LRPPRC: variants seen among roughly 807,000 people sequenced by gnomAD.
The protein encoded by LRPPRC is leucine-rich PPR motif-containing protein, mitochondrial.
LRPPRC carries 120 observed loss-of-function variants against 180.3 expected under a neutral mutation model. The observed-to-expected ratio is 0.67, with a 90% CI of 0.57 to 0.77. LRPPRC has a LOEUF of 0.77. Ranked by LOEUF, LRPPRC falls within the 30% of genes least tolerant of loss-of-function variation. The probability of loss-of-function intolerance (pLI) is 0.00; values close to 1 mark genes in which losing one functional copy is unlikely to be tolerated. For synonymous variants in LRPPRC, 723 were observed against 600.0 expected (o/e 1.21, Z -3.00); for missense variants, 2,012 against 1,657.2 (o/e 1.21, Z -3.72).
intron 11 of LRPPRC, among the ~76,000 whole-genome samples, chr2:43,966,559 C>T (rs1338305770): frequency 3.3e-5 from 5 of 151,578 alleles, no homozygotes; most frequent in African/African-American, 7.3e-5. Context: ...TACAGGCGCA[C>T]GCCACCACGC....
Position 43,971,485 on chromosome 2 carries a change from T to TAAAAAAA in LRPPRC, c.1369+2115_1369+2121dup, listed in dbSNP as rs528659622. Among the ~76,000 whole-genome samples, 62 of 62,374 alleles carry TAAAAAAA rather than the reference T, an allele frequency of 9.9e-4. 7 individuals carry two copies. The highest frequency in any genetic ancestry group is 3.7e-3 in the African/African-American group (47 of 12,612). The allele number at this position is 62,374 out of a possible 152,430, so 40.9% of individuals were successfully genotyped here. On this transcript the variant is annotated intron_variant, in intron 11 of 37. Transcript: ENST00000260665. ...AGGACCTCCTGAGGCTGTGTCACAG[T>TAAAAAAA]AAAAAAAAAAAAAAAAAAAGAAAAA... is the stretch of plus-strand genomic sequence containing the variant.
At chr2:43,927,816 A>C (rs992548509) in intron 25 of LRPPRC, among the ~76,000 whole-genome samples, 1 of 152,208 alleles carries the variant, frequency 6.6e-6, no homozygotes, top group African/African-American at 2.4e-5. Context: ...TGAAATTGAG[A>C]ACTGTTTTCA....
rs577157415 is a variant in LRPPRC at position 43,995,020 on chromosome 2, C to G, written c.149+779G>C. Reference sequence around the variant, plus strand: ...CTTTGGGAGGCCGAGGCAGGAGGATCGCTTGAAGTCAGGAGTTCGAGACTA... The same window carrying G: ...CTTTGGGAGGCCGAGGCAGGAGGATGGCTTGAAGTCAGGAGTTCGAGACTA... On this transcript the variant is annotated intron_variant, in intron 1 of 37. Coordinates refer to ENST00000260665, the MANE Select transcript of LRPPRC (RefSeq NM_133259.4). Among the ~76,000 whole-genome samples the G allele has an allele frequency of 3.9e-5, 6 of 152,294 alleles. No individual in the cohort carries two copies. The East Asian group carries it at 9.7e-4, about 25-fold the overall frequency.
Position 43,945,316 on chromosome 2 carries a change from A to C in LRPPRC, c.2296+16T>G, listed in dbSNP as rs188335467. The C allele has an allele frequency of 2.1e-5, 33 of 1,562,976 alleles. No homozygotes were observed. In the East Asian group the frequency reaches 7.2e-4, roughly 34 times the overall value. On this transcript the variant is annotated intron_variant, in intron 22 of 37. Coordinates refer to ENST00000260665, the MANE Select transcript of LRPPRC (RefSeq NM_133259.4). The stretch of plus-strand genomic sequence containing the variant: ...GATACTTGCATCACATATTTCCTTT[A>C]TGTGCTGAGGCTTACCTTGGAGCTT...
chr2:43,980,553 C>CCA (rs1674256957), intron 2 of LRPPRC, among the ~76,000 whole-genome samples: 1 of 85,080 alleles, frequency 1.2e-5, no homozygotes, highest in African/African-American at 4.4e-5. Context: ...GACTCTGTTT[C>CCA]AAAAAAAAAA....
Position 43,943,842 on chromosome 2 carries a change from A to T in LRPPRC, c.2349T>A (p.Asp783Glu). Reference protein sequence around the residue: ...EMKEKDVLIKDTTALSFFHML... With the variant: ...EMKEKDVLIKETTALSFFHML... ...TGTGGAAAAAGGACAAGGCTGTTGTATCTTTGATAAGAACATCCTTCTCTT... is the reference window on the plus strand; with the variant it reads ...TGTGGAAAAAGGACAAGGCTGTTGTTTCTTTGATAAGAACATCCTTCTCTT... The change falls in exon 23 of 38, where the codon GAT (aspartate) becomes GAA (glutamate). Residue 783 changes from aspartate to glutamate, a missense_variant. Asp to Glu is a conservative substitution (Grantham distance 45). Coordinates refer to ENST00000260665, the MANE Select transcript of LRPPRC (RefSeq NM_133259.4). The T allele has an allele frequency of 1.2e-6, 2 of 1,613,360 alleles. No individual in the cohort carries two copies. The highest frequency in any genetic ancestry group is 1.7e-6 in the Non-Finnish European group (2 of 1,179,380).
At chr2:43,903,245 C>T (rs985095965) in intron 31 of LRPPRC, 6 of 152,334 alleles carry the variant, frequency 3.9e-5, no homozygotes, top group African/African-American at 1.4e-4. Context: ...TCCCTCCCCC[C>T]AGGTCCTTTC....
intron 2 of LRPPRC, among the ~76,000 whole-genome samples, chr2:43,982,010 C>T (rs574999458): frequency 9.5e-4 from 145 of 152,186 alleles, no homozygotes; most frequent in African/African-American, 1.7e-3. Flanking sequence ...TGGGTTCAAG[C>T]GATTCTCATG....
intron 11 of LRPPRC, among the ~76,000 whole-genome samples, chr2:43,967,901 T>C (rs1673632724): frequency 6.6e-6 from 1 of 152,202 alleles, no homozygotes; most frequent in South Asian, 2.1e-4. Context: ...AATCCCACTG[T>C]GCTCTTCTTT....
At chr2:43,941,905 T>C (rs546886641) in intron 23 of LRPPRC, among the ~76,000 whole-genome samples, 10 of 145,744 alleles carry the variant, frequency 6.9e-5, no homozygotes, top group African/African-American at 1.8e-4. Context: ...ATAGAAGATA[T>C]ACATATCTGA....
chr2:43,974,311 A>C lies in LRPPRC; in HGVS notation c.1010-16T>G. ...TTCATTGCATCTGGGAAGAAAACAA[A>C]GACATCTTTTGTTAATAAACTGAAC... On this transcript the variant is annotated splice_polypyrimidine_tract_variant and intron_variant, in intron 8 of 37. Transcript: ENST00000260665. 6.3e-7 allele frequency: 1 copy of C among 1,593,790 alleles called. No homozygotes were observed. Among genetic ancestry groups the C allele is most frequent in the Non-Finnish European group, 8.6e-7 (1 of 1,161,536 alleles).
At chr2:43,898,404 G>A (rs536991589) in intron 34 of LRPPRC, among the ~76,000 whole-genome samples, 2 of 152,128 alleles carry the variant, frequency 1.3e-5, no homozygotes, top group Admixed American at 1.3e-4. Flanking sequence ...ATCAGAAATT[G>A]GTCCCACGCC....
At chr2:43,959,873 G>C (rs2103658767) in intron 13 of LRPPRC, among the ~76,000 whole-genome samples, 1 of 152,296 alleles carries the variant, frequency 6.6e-6, no homozygotes, top group African/African-American at 2.4e-5. Flanking sequence ...GACAGAGTGA[G>C]ACTGTGTCTC....
chr2:43,976,810 T>C (rs1300724025), intron 5 of LRPPRC, among the ~76,000 whole-genome samples, 184 bp downstream of exon 5: 1 of 152,118 alleles, frequency 6.6e-6, no homozygotes, highest in Non-Finnish European at 1.5e-5. Flanking sequence ...CTTTTACTTA[T>C]CTTTTCTCTC....
In LRPPRC at chr2:43,896,648, T is replaced by C. The variant is rs550105128; in HGVS notation, c.3886A>G (p.Arg1296Gly). The C allele has an allele frequency of 6.2e-7, 1 of 1,609,732 alleles. No homozygotes were observed. The highest frequency in any genetic ancestry group is 1.7e-5 in the Admixed American group (1 of 60,016). The change falls in exon 35 of 38, where the codon AGG (arginine) becomes GGG (glycine). Residue 1296 changes from arginine (R) to glycine (G), a missense_variant. Physicochemically the swap from Arg to Gly is moderately radical, Grantham distance 125. Coordinates refer to ENST00000260665, the MANE Select transcript of LRPPRC (RefSeq NM_133259.4). ...ILLLFLLRNSRKQGKASTVKS... is the reference protein window; with the variant it reads ...ILLLFLLRNSGKQGKASTVKS... Reference sequence around the variant, plus strand: ...AAGCACAGTACCTTTCCTTGTTTCCTAGAATTCCTAAGGAGGAACAACAAC... The same window carrying C: ...AAGCACAGTACCTTTCCTTGTTTCCCAGAATTCCTAAGGAGGAACAACAAC...
chr2:43,995,408 T>G (rs536605860), intron 1 of LRPPRC, among the ~76,000 whole-genome samples: 1 of 152,222 alleles, frequency 6.6e-6, no homozygotes, highest in Non-Finnish European at 1.5e-5. Context: ...AGGTGGTTAC[T>G]GATCACCAAC....
chr2:43,964,608 T>C (rs966925832), intron 11 of LRPPRC, among the ~76,000 whole-genome samples: 2 of 152,168 alleles, frequency 1.3e-5, no homozygotes, highest in African/African-American at 2.4e-5. Flanking sequence ...TAATTGACAG[T>C]AAATTCCTAC....
At chr2:43,900,303 T>G (rs1336700249) in intron 32 of LRPPRC, among the ~76,000 whole-genome samples, 1 of 152,154 alleles carries the variant, frequency 6.6e-6, no homozygotes, top group East Asian at 1.9e-4. Flanking sequence ...TAATCTATAA[T>G]GGATACTTTA....
chr2:43,974,819 C>T, intron 7 of LRPPRC, 61 bp from the exon 8 acceptor site: 2 of 1,508,088 alleles, frequency 1.3e-6, no homozygotes, highest in South Asian at 1.1e-5. Flanking sequence ...AGTATTAAAG[C>T]TAAATAAAAT....
Sources: gnomAD v4.1 joint callset for allele counts (sites outside exome capture counted in the v4.1 genomes callset) on GRCh38, gnomAD v4.1.1 for gene constraint, MANE v1.5 for transcripts, NCBI Gene and HGNC (gene_info 2026-07-23, HGNC 2026-07-21) for gene names.